LAMA2: variants seen among roughly 807,000 people sequenced by gnomAD.
LAMA2 encodes laminin subunit alpha 2.
Under a neutral mutation model 364.8 loss-of-function variants are expected in LAMA2, and 269 were observed. The ratio of observed to expected loss-of-function variants is 0.74; its 90% confidence interval spans 0.67 to 0.82. The LOEUF (loss-of-function observed/expected upper bound fraction) is 0.82. LAMA2 is among the 40% of genes least tolerant of loss of function. LAMA2 has a pLI of 0.00. For synonymous variants in LAMA2, 1,379 were observed against 1,370.6 expected, an observed-to-expected ratio of 1.01 and a Z score of -0.14; for missense variants, 3,807 against 3,873.2, an observed-to-expected ratio of 0.98 and a Z score of 0.45.
chr6:129,346,754 G>T (rs1776579725), intron 30 of LAMA2, among the ~76,000 whole-genome samples: 1 of 152,098 alleles, frequency 6.6e-6, no homozygotes, highest in Non-Finnish European at 1.5e-5. Context: ...TTATAAGAGA[G>T]TAAGATAAAG....
At chr6:128,974,080 C>G (rs1782369414) in intron 1 of LAMA2, among the ~76,000 whole-genome samples, 1 of 152,088 alleles carries the variant, frequency 6.6e-6, no homozygotes, top group South Asian at 2.1e-4. Flanking sequence ...AGTCGCCAGC[C>G]CAATCAAGGT....
rs572344814 is a variant in LAMA2, at chr6:129,157,562, C to T, written c.1206+2879C>T. ...CTTGGGATTCAACCATCTTGGCAAG[C>T]GTCTTCTTAATTCTCAACGCTGTGA... On this transcript the variant is annotated intron_variant, in intron 8 of 64. Coordinates refer to ENST00000421865, the MANE Select transcript of LAMA2 (RefSeq NM_000426.4). The T allele has an allele frequency of 3.1e-6, 5 of 1,612,746 alleles. No individual in the cohort carries two copies. In the African/African-American group the frequency reaches 4.0e-5, roughly 13 times the overall value.
intron 16 of LAMA2, among the ~76,000 whole-genome samples, chr6:129,268,526 CA>C (rs1043272466): frequency 5.3e-5 from 8 of 152,000 alleles, no homozygotes; most frequent in African/African-American, 1.4e-4. Context: ...AAAATCAAAT[CA>C]AATTTTCATG....
In LAMA2 at chr6:129,481,326, G is replaced by C. The variant is rs565280107; in HGVS notation, c.7636G>C (p.Val2546Leu). ...GGAGCTCTCCCCTGTGCCAATTGAT[G>C]TAGGAACAGAAATCAACCTGTCATT... Reference protein sequence around the residue: ...FVELSPVPIDVGTEINLSFST... With the variant: ...FVELSPVPIDLGTEINLSFST... Residue 2546 changes from valine (V) to leucine (L), a missense_variant, in exon 55 of 65, where the codon GTA (valine) becomes CTA (leucine). By Grantham distance (32) the Val-to-Leu change is conservative (BLOSUM62 1). Coordinates refer to ENST00000421865, the MANE Select transcript of LAMA2 (RefSeq NM_000426.4). The C allele has an allele frequency of 9.3e-6, 15 of 1,613,686 alleles. No homozygotes were observed. The South Asian group carries it at 1.6e-4, about 18-fold the overall frequency.
chr6:129,241,919 G>A (rs1483376595), intron 12 of LAMA2, among the ~76,000 whole-genome samples: 2 of 152,100 alleles, frequency 1.3e-5, no homozygotes, highest in Non-Finnish European at 2.9e-5. Flanking sequence ...AGTGAAAAGG[G>A]AATAGTGGCA....
At position 129,481,300 on chromosome 6, in the gene LAMA2, T is replaced by A; in HGVS notation, c.7610T>A (p.Val2537Glu). Residue 2537 changes from valine to glutamate, a missense_variant, in exon 55 of 65, where the codon GTG becomes GAG. Physicochemically the swap from Val to Glu is moderately radical, Grantham distance 121. This residue lies in a region of LAMA2 where 3,333 missense variants were observed against 3,345.7 expected (regional missense o/e 1.00). Coordinates refer to ENST00000421865, the MANE Select transcript of LAMA2 (RefSeq NM_000426.4). ...GTTAGCTTTCCTAAGCCTGGTTTTGTGGAGCTCTCCCCTGTGCCAATTGAT... is the reference window on the plus strand; with the variant it reads ...GTTAGCTTTCCTAAGCCTGGTTTTGAGGAGCTCTCCCCTGTGCCAATTGAT... ...YTVSFPKPGF[V>E]ELSPVPIDVG... 6.2e-7 allele frequency: 1 copy of A among 1,613,914 alleles called. No homozygotes were observed. The highest frequency in any genetic ancestry group is 1.1e-5 in the South Asian group (1 of 91,082).
At chr6:128,986,659 G>A (rs772515793) in intron 1 of LAMA2, among the ~76,000 whole-genome samples, 26 of 151,632 alleles carry the variant, frequency 1.7e-4, no homozygotes, top group Non-Finnish European at 3.1e-4. Flanking sequence ...AAATGACTTT[G>A]AAAGATTTCT....
chr6:128,971,546 G>A (rs1031213596), intron 1 of LAMA2, among the ~76,000 whole-genome samples: 7 of 152,152 alleles, frequency 4.6e-5, no homozygotes, highest in African/African-American at 1.4e-4. Context: ...TATTAAATAA[G>A]AGAGAAATTA....
At chr6:129,474,997 C>A (rs990301121) in intron 52 of LAMA2, among the ~76,000 whole-genome samples, 25 of 152,096 alleles carry the variant, frequency 1.6e-4, no homozygotes, top group Non-Finnish European at 3.1e-4. Context: ...ATGTGGTAAA[C>A]ATAAATTATT....
At chr6:129,433,650 A>G (rs1781704186) in intron 41 of LAMA2, among the ~76,000 whole-genome samples, 3 of 152,200 alleles carry the variant, frequency 2.0e-5, no homozygotes, top group Non-Finnish European at 4.4e-5. Context: ...CATTTCCATT[A>G]AAATTTATAA....
At chr6:129,206,655 C>T (rs957484381) in intron 12 of LAMA2, among the ~76,000 whole-genome samples, 3 of 152,180 alleles carry the variant, frequency 2.0e-5, no homozygotes, top group Admixed American at 1.3e-4. Context: ...TTCCTGATGT[C>T]TTCTCATCAC....
intron 8 of LAMA2, chr6:129,158,666 T>C: frequency 6.2e-7 from 1 of 1,614,154 alleles, no homozygotes; most frequent in Non-Finnish European, 8.5e-7. Context: ...AAACCAGCCA[T>C]CGAATGCTGC....
intron 20 of LAMA2, among the ~76,000 whole-genome samples, chr6:129,295,388 C>A (rs1001981785): frequency 6.6e-6 from 1 of 152,128 alleles, no homozygotes; most frequent in East Asian, 1.9e-4. Flanking sequence ...CTCACTGGGT[C>A]TGGATAGCCA....
chr6:129,314,167 GA>G (rs2114497153), intron 23 of LAMA2, among the ~76,000 whole-genome samples: 1 of 152,178 alleles, frequency 6.6e-6, no homozygotes, highest in Admixed American at 6.5e-5. Context: ...TTGGGAGGCC[GA>G]GGCGGGCGGA....
rs776760209 is a variant in LAMA2, at chr6:129,393,212, A to G, written c.5402A>G (p.Asn1801Ser). The G allele has an allele frequency of 2.5e-6, 4 of 1,614,084 alleles. No homozygotes were observed. In the South Asian group the frequency reaches 4.4e-5, roughly 18 times the overall value. The change falls in exon 37 of 65, where the codon AAT becomes AGT. Residue 1801 changes from asparagine (N) to serine (S), a missense_variant. By Grantham distance (46) the Asn-to-Ser change is conservative. Around this residue, in one of 3 missense-constraint regions of LAMA2, gnomAD observed 3,333 missense variants for 3,345.7 expected, o/e 1.00. Transcript: ENST00000421865. ...REATDKIREA[N>S]RLFAVNQKNM... The stretch of plus-strand genomic sequence containing the variant: ...GCCACAGATAAAATCAGAGAAGCTA[A>G]TCGCCTATTTGCAGTAAATCAGAAA...
At chr6:129,216,499 TATTA>T (rs1783432428) in intron 12 of LAMA2, among the ~76,000 whole-genome samples, 1 of 152,182 alleles carries the variant, frequency 6.6e-6, no homozygotes, top group African/African-American at 2.4e-5. Flanking sequence ...TACAAGTAAG[TATTA>T]ATTAATGGTT....
At chr6:129,321,846 G>A (rs1774987326) in intron 28 of LAMA2, among the ~76,000 whole-genome samples, 1 of 152,112 alleles carries the variant, frequency 6.6e-6, no homozygotes, top group South Asian at 2.1e-4. Flanking sequence ...TAAAAATAAT[G>A]AGTATACATT....
chr6:129,289,497 A>G (rs1180416638), intron 19 of LAMA2, among the ~76,000 whole-genome samples: 1 of 152,166 alleles, frequency 6.6e-6, no homozygotes, highest in Admixed American at 6.5e-5. Flanking sequence ...GTAGCTGTGC[A>G]TATCAGTTGT....
intron 56 of LAMA2, chr6:129,490,949 A>T (rs1301607886): frequency 6.6e-6 from 1 of 152,142 alleles, no homozygotes; most frequent in Non-Finnish European, 1.5e-5. Context: ...GCCAATTCAG[A>T]GCATCTTTAC....
Sources: allele counts gnomAD v4.1 joint callset (sites outside exome capture counted in the v4.1 genomes callset), GRCh38; gene constraint gnomAD v4.1.1; regional missense constraint gnomAD v4.1.1; transcripts MANE v1.5; gene names NCBI Gene and HGNC (gene_info 2026-07-23, HGNC 2026-07-21).